UBE2Q2: variants seen among roughly 807,000 people sequenced by gnomAD.
UBE2Q2 encodes ubiquitin-conjugating enzyme E2 Q2.
A neutral mutation model predicts 59.9 loss-of-function variants in UBE2Q2; 54 were observed. That is an observed-to-expected ratio of 0.90 (90% confidence interval 0.72 to 1.13). The LOEUF is 1.13. Ranked by LOEUF, UBE2Q2 falls within the 50% of genes most tolerant of loss-of-function variation. The probability of loss-of-function intolerance (pLI) is 0.00; values close to 1 mark genes in which losing one functional copy is unlikely to be tolerated. For synonymous variants in UBE2Q2, 165 were observed against 155.2 expected (o/e 1.06, Z -0.47); for missense variants, 433 against 441.9 (o/e 0.98, Z 0.18).
chr15:75,899,357 C>A, intron 12 of UBE2Q2, 70 bp from the exon 13 acceptor site: 1 of 1,134,888 alleles, frequency 8.8e-7, no homozygotes, highest in Non-Finnish European at 1.2e-6. Flanking sequence ...TGTAGCTAAC[C>A]TTATTACATG....
rs759812353 is a variant in UBE2Q2, at chr15:75,896,999, A to T, written c.1034A>T (p.Gln345Leu). Residue 345 changes from glutamine (Q) to leucine (L), a missense_variant, in exon 12 of 13, where the codon CAA becomes CTA. Gln to Leu is a moderately radical substitution (Grantham distance 113). Transcript: ENST00000267938. ...ARVQFGANKNQYNLARAQQSY... is the reference protein window; with the variant it reads ...ARVQFGANKNLYNLARAQQSY... ...AAATGTGTAATTCTCTTTCAGAATCAATATAATCTAGCAAGAGCCCAACAA... is the reference window on the plus strand; with the variant it reads ...AAATGTGTAATTCTCTTTCAGAATCTATATAATCTAGCAAGAGCCCAACAA... 10 of 1,555,404 alleles carry T rather than the reference A, an allele frequency of 6.4e-6. No homozygotes were observed. The highest frequency in any genetic ancestry group is 1.4e-5 in the African/African-American group (1 of 72,958).
At chr15:75,860,706 G>A (rs1481431369) in intron 3 of UBE2Q2, among the ~76,000 whole-genome samples, 6 of 151,954 alleles carry the variant, frequency 3.9e-5, no homozygotes, top group Non-Finnish European at 5.9e-5. Context: ...TTTCTGTGAG[G>A]TTTCCCTTTC....
intron 8 of UBE2Q2, among the ~76,000 whole-genome samples, chr15:75,883,086 C>A (rs1193590419): frequency 6.6e-6 from 1 of 152,136 alleles, no homozygotes; most frequent in East Asian, 1.9e-4. Flanking sequence ...GTTACCTAGT[C>A]TATCATTATT....
Position 75,899,600 on chromosome 15 carries a change from G to A in UBE2Q2, c.*142G>A. On this transcript the variant is annotated 3_prime_UTR_variant, in exon 13 of 13. Transcript: ENST00000267938. ...TATTTTAGTGGATAATCTGTCATCT[G>A]ACATCCAGTATAAGTTACAGCCTTT... The A allele has an allele frequency of 1.6e-6, 1 of 620,640 alleles. No individual in the cohort carries two copies. The highest frequency in any genetic ancestry group is 2.6e-6 in the Non-Finnish European group (1 of 377,766). The allele number at this position is 620,640 out of a possible 1,614,324, so 38.4% of individuals were successfully genotyped here.
chr15:75,858,578 T>G (rs1198929674), intron 2 of UBE2Q2, among the ~76,000 whole-genome samples: 2 of 152,134 alleles, frequency 1.3e-5, no homozygotes, highest in African/African-American at 4.8e-5. Flanking sequence ...CCTCAAATGC[T>G]TTTTTGGTGT....
At position 75,854,432 on chromosome 15, in the gene UBE2Q2, A is replaced by G. The variant is rs763797643; in HGVS notation, c.227A>G (p.Asp76Gly). The change falls in exon 2 of 13, where the codon GAC becomes GGC. Residue 76 changes from aspartate (D) to glycine (G), a missense_variant. Physicochemically the swap from Asp to Gly is moderately conservative, Grantham distance 94. Transcript: ENST00000267938. ...CCGATATGGTTTGTGGATTCTGAAG[A>G]CCCAAATCTGACATCAGTTCTGGAA... ...SSPIWFVDSE[D>G]PNLTSVLERL... 3 of 1,613,474 alleles carry G rather than the reference A, an allele frequency of 1.9e-6. No individual in the cohort carries two copies. The African/African-American group carries it at 4.0e-5, about 22-fold the overall frequency.
chr15:75,846,912 T>C (rs1325466960), intron 1 of UBE2Q2, among the ~76,000 whole-genome samples: 1 of 152,208 alleles, frequency 6.6e-6, no homozygotes, highest in Non-Finnish European at 1.5e-5. Flanking sequence ...GTATCAGCTG[T>C]ATTTCTCCCT....
intron 1 of UBE2Q2, among the ~76,000 whole-genome samples, chr15:75,849,291 A>G (rs543614539): frequency 1.3e-5 from 2 of 152,318 alleles, no homozygotes; most frequent in African/African-American, 4.8e-5. Context: ...AATGTGTCCC[A>G]TAACTGGCCT....
chr15:75,859,785 T>A (rs111305851), intron 2 of UBE2Q2, 93 bp from the exon 3 acceptor site: 1 of 850,942 alleles, frequency 1.2e-6, no homozygotes, highest in East Asian at 3.0e-5. Flanking sequence ...ACTTTTTCAT[T>A]TCCTACTGGA....
At chr15:75,861,567 G>T (rs1897210263) in intron 3 of UBE2Q2, among the ~76,000 whole-genome samples, 1 of 151,794 alleles carries the variant, frequency 6.6e-6, no homozygotes, top group Admixed American at 6.6e-5. Flanking sequence ...CATTTTATTT[G>T]TTCATTTTGA....
chr15:75,883,259 C>G, intron 8 of UBE2Q2, 107 bp from the exon 9 acceptor site: 1 of 1,028,048 alleles, frequency 9.7e-7, no homozygotes, highest in Non-Finnish European at 1.4e-6. Context: ...TACCCATTAT[C>G]TGATAATAAA....
rs1232553070 is a variant in UBE2Q2 at position 75,893,762 on chromosome 15, T to TG, written c.1029+2749dup. The stretch of plus-strand genomic sequence containing the variant: ...AGCAATTAAGGTTAGAAGGCAATAA[T>TG]GAAGAGATTAACAAAAAGCTATGTG... On this transcript the variant is annotated intron_variant, in intron 11 of 12. Transcript: ENST00000267938. 1.2e-4 allele frequency among the ~76,000 whole-genome samples: 18 copies of TG among 152,248 alleles called. No homozygotes were observed. In the East Asian group the frequency reaches 2.5e-3, roughly 21 times the overall value.
intron 11 of UBE2Q2, chr15:75,895,426 A>C (rs1187546816): frequency 6.6e-6 from 1 of 151,844 alleles, no homozygotes; most frequent in African/African-American, 2.4e-5. Context: ...CAGGTGATCT[A>C]CCTGCCTCAG....
At chr15:75,899,402 C>T in intron 12 of UBE2Q2, 25 bp from the exon 13 acceptor site, 8 of 1,226,856 alleles carry the variant, frequency 6.5e-6, no homozygotes, top group Non-Finnish European at 8.9e-6. Context: ...ATTATTTTAA[C>T]TTTTTTTTTT....
chr15:75,848,585 G>A (rs1188499607), intron 1 of UBE2Q2, among the ~76,000 whole-genome samples: 2 of 151,896 alleles, frequency 1.3e-5, no homozygotes, highest in African/African-American at 4.8e-5. Context: ...TTTTATACCT[G>A]TCCTTGAAAG....
At chr15:75,853,838 C>T (rs1233879637) in intron 1 of UBE2Q2, among the ~76,000 whole-genome samples, 1 of 152,096 alleles carries the variant, frequency 6.6e-6, no homozygotes, top group African/African-American at 2.4e-5. Flanking sequence ...ATCTCACAGG[C>T]TGTGGGACTG....
rs563556350 is a variant in UBE2Q2 at position 75,863,459 on chromosome 15, T to A, written c.387+3477T>A. 2.6e-4 allele frequency among the ~76,000 whole-genome samples: 40 copies of A among 152,102 alleles called. No individual in the cohort carries two copies. In the South Asian group the frequency reaches 8.1e-3, roughly 31 times the overall value. On this transcript the variant is annotated intron_variant, in intron 3 of 12. Coordinates refer to ENST00000267938, the MANE Select transcript of UBE2Q2 (RefSeq NM_173469.4). ...TTTTTGTTTGTTTGTTTTTCTTTTT[T>A]TTTTTTGACGGAGTCTCTCTGTCGC... is the stretch of plus-strand genomic sequence containing the variant.
intron 9 of UBE2Q2, among the ~76,000 whole-genome samples, chr15:75,885,736 C>T (rs1595892611): frequency 2.0e-5 from 3 of 152,262 alleles, no homozygotes; most frequent in South Asian, 2.1e-4. Flanking sequence ...AAGTTGATCA[C>T]AAATATACTA....
At chr15:75,892,363 GAT>G (rs1899151471) in intron 11 of UBE2Q2, among the ~76,000 whole-genome samples, 1 of 152,064 alleles carries the variant, frequency 6.6e-6, no homozygotes, top group African/African-American at 2.4e-5. Flanking sequence ...ATAAATAATA[GAT>G]ATGTTTCCCA....
Sources: gnomAD v4.1 joint callset for allele counts (sites outside exome capture counted in the v4.1 genomes callset) on GRCh38, gnomAD v4.1.1 for gene constraint, MANE v1.5 for transcripts, NCBI Gene and HGNC (gene_info 2026-07-23, HGNC 2026-07-21) for gene names.